LRRIQ1: variants seen among roughly 807,000 people sequenced by gnomAD.
LRRIQ1 encodes leucine-rich repeat- and IQ domain-containing protein 1.
In LRRIQ1, 210 loss-of-function variants were observed where a neutral mutation model predicts 211.9. The ratio of observed to expected loss-of-function variants is 0.99; its 90% CI spans 0.89 to 1.11. The LOEUF is 1.11. Ranked by LOEUF, LRRIQ1 falls within the 50% of genes most tolerant of loss-of-function variation. The pLI, the probability that LRRIQ1 is intolerant of heterozygous loss-of-function variation, is 0.00. For missense variants in LRRIQ1, 2,136 were observed against 1,939.5 expected (o/e 1.10, Z -1.90); for synonymous variants, 699 against 650.1 (o/e 1.08, Z -1.14).
At chr12:85,042,375 T>C (rs1878991980) in intron 3 of LRRIQ1, among the ~76,000 whole-genome samples, 1 of 149,208 alleles carries the variant, frequency 6.7e-6, no homozygotes, top group South Asian at 2.1e-4. Flanking sequence ...TCGTTAATTA[T>C]TTAAATTATT....
chr12:85,038,376 G>A (rs1241600270), intron 2 of LRRIQ1, 68 bp downstream of exon 2: 9 of 1,267,000 alleles, frequency 7.1e-6, no homozygotes, highest in Non-Finnish European at 9.3e-6. Flanking sequence ...CTTTTCTCAG[G>A]ATGTTTTTAT....
chr12:85,217,881 ACAT>A (rs1251883954), intron 24 of LRRIQ1, among the ~76,000 whole-genome samples: 3 of 151,396 alleles, frequency 2.0e-5, no homozygotes, highest in Non-Finnish European at 4.4e-5. Context: ...CAACCTACTG[ACAT>A]CATTAGATGC....
At chr12:85,209,555 T>C (rs971424848) in intron 24 of LRRIQ1, among the ~76,000 whole-genome samples, 4 of 152,206 alleles carry the variant, frequency 2.6e-5, no homozygotes, top group African/African-American at 9.7e-5. Context: ...AAAATGCATT[T>C]TTATTTGTAA....
At chr12:85,221,493 C>T (rs905702495) in intron 24 of LRRIQ1, among the ~76,000 whole-genome samples, 2 of 152,120 alleles carry the variant, frequency 1.3e-5, no homozygotes, top group Non-Finnish European at 2.9e-5. Flanking sequence ...TGAATGCTAT[C>T]ATGGGGTATC....
intron 24 of LRRIQ1, among the ~76,000 whole-genome samples, chr12:85,179,058 T>C (rs981646276): frequency 6.6e-6 from 1 of 151,946 alleles, no homozygotes; most frequent in African/African-American, 2.4e-5. Flanking sequence ...ATGTAACCTA[T>C]GGTTACAGGC....
chr12:85,203,329 A>G (rs969317896), intron 24 of LRRIQ1, among the ~76,000 whole-genome samples: 1 of 152,160 alleles, frequency 6.6e-6, no homozygotes, highest in Non-Finnish European at 1.5e-5. Context: ...ATTCTTGGGT[A>G]TGTCTTTATC....
At chr12:85,260,697 T>A (rs986911828) in intron 1 of LRRIQ1, among the ~76,000 whole-genome samples, 2 of 152,192 alleles carry the variant, frequency 1.3e-5, no homozygotes, top group African/African-American at 4.8e-5. Flanking sequence ...GCAACAGTTA[T>A]ATTTACAAAC....
At chr12:85,259,957 A>G (rs1896236349) in intron 1 of LRRIQ1, among the ~76,000 whole-genome samples, 1 of 152,032 alleles carries the variant, frequency 6.6e-6, no homozygotes. Flanking sequence ...GTCCCTTAAA[A>G]TGTAGAAACA....
chr12:85,042,631 ATTAT>A (rs1211988965), intron 3 of LRRIQ1, among the ~76,000 whole-genome samples: 1 of 150,668 alleles, frequency 6.6e-6, no homozygotes. Context: ...TTTAATTTAA[ATTAT>A]TTATTACATT....
At chr12:85,242,031 C>A (rs554871288) in intron 26 of LRRIQ1, among the ~76,000 whole-genome samples, 1 of 151,960 alleles carries the variant, frequency 6.6e-6, no homozygotes, top group Admixed American at 6.6e-5. Context: ...CAATTACAAA[C>A]CTTGTAGGTA....
intron 11 of LRRIQ1, among the ~76,000 whole-genome samples, chr12:85,074,808 G>A (rs1254130341): frequency 6.6e-6 from 1 of 151,894 alleles, no homozygotes; most frequent in African/African-American, 2.4e-5. Context: ...TTTATAAAAT[G>A]GTTCATGGAA....
intron 14 of LRRIQ1, 71 bp from the exon 15 acceptor site, chr12:85,106,451 G>C (rs548880848): frequency 9.5e-7 from 1 of 1,050,004 alleles, no homozygotes; most frequent in East Asian, 2.4e-5. Context: ...AGTAAATACA[G>C]TGGTCATAGA....
intron 15 of LRRIQ1, among the ~76,000 whole-genome samples, chr12:85,120,431 A>G (rs1370918504): frequency 1.3e-5 from 2 of 152,204 alleles, no homozygotes; most frequent in African/African-American, 4.8e-5. Flanking sequence ...CTACTACTAT[A>G]GCTTCATATT....
At chr12:85,146,825 C>T (rs909953612) in intron 19 of LRRIQ1, among the ~76,000 whole-genome samples, 1 of 151,638 alleles carries the variant, frequency 6.6e-6, no homozygotes, top group African/African-American at 2.4e-5. Context: ...CAGGCTGTAC[C>T]TTGTTTAATC....
At chr12:85,159,894 T>G (rs1799338114) in intron 23 of LRRIQ1, among the ~76,000 whole-genome samples, 1 of 152,004 alleles carries the variant, frequency 6.6e-6, no homozygotes, top group Admixed American at 6.6e-5. Flanking sequence ...CATATATTAA[T>G]ACTTATGAAA....
downstream of LRRIQ1, among the ~76,000 whole-genome samples, chr12:85,245,302 T>C (rs1382549058): frequency 6.6e-6 from 1 of 151,466 alleles, no homozygotes; most frequent in East Asian, 1.9e-4. Flanking sequence ...TATGTAAAGA[T>C]AATTTCCAAA....
At chr12:85,072,805 T>A (rs1883232948) in intron 10 of LRRIQ1, 102 bp from the exon 11 acceptor site, 1 of 689,166 alleles carries the variant, frequency 1.5e-6, no homozygotes, top group African/African-American at 1.9e-5. Flanking sequence ...TTAGGTTTTA[T>A]TTTTTGCTCC....
At chr12:85,102,982 A>G (rs1886499216) in intron 13 of LRRIQ1, among the ~76,000 whole-genome samples, 1 of 141,760 alleles carries the variant, frequency 7.1e-6, no homozygotes, top group Non-Finnish European at 1.5e-5. Flanking sequence ...ATATATATAT[A>G]TATATTTTAC....
At chr12:85,076,483 C>G (rs1883667958) in intron 11 of LRRIQ1, 1 of 238,782 alleles carries the variant, frequency 4.2e-6, no homozygotes, top group Non-Finnish European at 6.8e-6. Context: ...TTATAAATTT[C>G]ACATCATATA....
Sources: allele counts gnomAD v4.1 joint callset (sites outside exome capture counted in the v4.1 genomes callset), GRCh38; gene constraint gnomAD v4.1.1; transcripts MANE v1.5; gene names NCBI Gene and HGNC (gene_info 2026-07-23, HGNC 2026-07-21).